The following MAF variants were observed in gnomAD, a reference collection of about 807,000 sequenced individuals.
MAF encodes the protein MAF bZIP transcription factor.
Under a neutral mutation model 22.0 loss-of-function variants are expected in MAF, and 10 were observed. That is an observed-to-expected ratio of 0.45 (90% CI 0.28 to 0.77). The LOEUF (loss-of-function observed/expected upper bound fraction) is 0.77, where lower values mean the gene tolerates loss of function less well. Among genes scored for constraint, MAF ranks in the 30% least tolerant of loss-of-function variants. The probability of loss-of-function intolerance (pLI) is 0.12; values close to 1 mark genes in which losing one functional copy is unlikely to be tolerated. For missense variants in MAF, 544 were observed against 548.4 expected, an observed-to-expected ratio of 0.99 and a Z score of 0.08; for synonymous variants, 337 against 255.8, an observed-to-expected ratio of 1.32 and a Z score of -3.03.
chr16:79,396,279 C>A, the MAF span, among the ~76,000 whole-genome samples: 2 of 152,148 alleles, frequency 1.3e-5, no homozygotes, highest in African/African-American at 2.4e-5. Flanking sequence ...TGGACCAAGC[C>A]TTGTGAGTCA....
rs920081311 is a variant in MAF at position 79,600,340 on chromosome 16, G to A, written c.-438C>T. On this transcript the variant is annotated 5_prime_UTR_variant, in exon 1 of 2. Coordinates refer to ENST00000326043, the MANE Select transcript of MAF (RefSeq NM_005360.5). ...TGCATAAGGAAGGGCTCGCCTCGCC[G>A]GCCCGGGCTGCAGGCAGGGCGCGCG... 5.0e-6 allele frequency: 1 copy of A among 199,642 alleles called. No individual in the cohort carries two copies. Among genetic ancestry groups the A allele is most frequent in the Non-Finnish European group, 1.1e-5 (1 of 88,444 alleles). 12.4% of individuals were successfully genotyped at this position (199,642 alleles called of 1,614,324 possible).
chr16:79,225,506 A>T, the MAF span, among the ~76,000 whole-genome samples: 2 of 152,240 alleles, frequency 1.3e-5, no homozygotes, highest in Non-Finnish European at 2.9e-5. Flanking sequence ...CAATGGCAAC[A>T]AAAGCCAAAA....
the MAF span, among the ~76,000 whole-genome samples, chr16:79,574,359 C>G: frequency 6.6e-6 from 1 of 152,208 alleles, no homozygotes; most frequent in African/African-American, 2.4e-5. Flanking sequence ...TTATTGGTAT[C>G]TGCAGAAGTC....
the MAF span, among the ~76,000 whole-genome samples, chr16:79,509,532 A>G: frequency 2.0e-5 from 3 of 152,004 alleles, no homozygotes; most frequent in Non-Finnish European, 1.5e-5. Flanking sequence ...TCTGAGACCA[A>G]CTCTGATGCA....
At chr16:79,216,213 C>A in the MAF span, among the ~76,000 whole-genome samples, 3 of 152,054 alleles carry the variant, frequency 2.0e-5, no homozygotes, top group African/African-American at 2.4e-5. Context: ...TATATGTATA[C>A]GTGTCATGTG....
At chr16:79,293,381 T>A in the MAF span, among the ~76,000 whole-genome samples, 1 of 152,218 alleles carries the variant, frequency 6.6e-6, no homozygotes, top group African/African-American at 2.4e-5. Context: ...GGAATTATTT[T>A]CTGGAAACAG....
chr16:79,598,058 A>T (rs916825150), intron 1 of MAF: 2 of 1,044,482 alleles, frequency 1.9e-6, no homozygotes, highest in Non-Finnish European at 2.3e-6. Flanking sequence ...CTAAAAAAAA[A>T]ACCCGATGGA....
chr16:79,477,910 G>C, the MAF span, among the ~76,000 whole-genome samples: 2 of 151,586 alleles, frequency 1.3e-5, no homozygotes, highest in Non-Finnish European at 2.9e-5. Flanking sequence ...TTTTAGTAGA[G>C]ACGGGGTTTC....
the MAF span, chr16:79,203,122 G>C: frequency 6.6e-6 from 1 of 152,206 alleles, no homozygotes; most frequent in Non-Finnish European, 1.5e-5. Context: ...CACGCTGCTG[G>C]TGAATGAAAT....
At chr16:79,257,209 G>A in the MAF span, among the ~76,000 whole-genome samples, 13 of 151,972 alleles carry the variant, frequency 8.6e-5, no homozygotes, top group Non-Finnish European at 1.5e-4. Context: ...AAAAAGAAGA[G>A]TGTATGTAAA....
At chr16:79,220,252 T>C in the MAF span, among the ~76,000 whole-genome samples, 73 of 9,538 alleles carry the variant, frequency 7.7e-3, 1 homozygote, top group Non-Finnish European at 0.018. Flanking sequence ...TGAGACTCCA[T>C]CTCAAAAAAA....
chr16:79,310,520 T>C, the MAF span, among the ~76,000 whole-genome samples: 1 of 152,200 alleles, frequency 6.6e-6, no homozygotes, highest in African/African-American at 2.4e-5. Context: ...TGCTTTCACA[T>C]CTGGAGTTCA....
At chr16:79,236,488 T>A in the MAF span, among the ~76,000 whole-genome samples, 1 of 152,134 alleles carries the variant, frequency 6.6e-6, no homozygotes, top group South Asian at 2.1e-4. Flanking sequence ...TAAGTGGCTG[T>A]GCTGTTTGGC....
At chr16:79,258,778 C>T in the MAF span, among the ~76,000 whole-genome samples, 1 of 152,206 alleles carries the variant, frequency 6.6e-6, no homozygotes, top group African/African-American at 2.4e-5. Flanking sequence ...TGCTCCAACC[C>T]TGTTGGCAAG....
the MAF span, among the ~76,000 whole-genome samples, chr16:79,534,714 TAC>T: frequency 2.0e-5 from 3 of 152,058 alleles, no homozygotes; most frequent in African/African-American, 7.3e-5. Context: ...TGTGCACATG[TAC>T]CCTAGAACTT....
the MAF span, among the ~76,000 whole-genome samples, chr16:79,364,440 G>C: frequency 1.3e-5 from 2 of 152,190 alleles, no homozygotes; most frequent in East Asian, 3.9e-4. Flanking sequence ...CAGCCAGGCT[G>C]GGTGGGTGGC....
At chr16:79,377,135 C>T in the MAF span, among the ~76,000 whole-genome samples, 1 of 152,170 alleles carries the variant, frequency 6.6e-6, no homozygotes, top group Non-Finnish European at 1.5e-5. Flanking sequence ...TTTACAGTCC[C>T]ACCAACGGTG....
chr16:79,429,919 C>G, the MAF span, among the ~76,000 whole-genome samples: 5 of 152,216 alleles, frequency 3.3e-5, no homozygotes, highest in South Asian at 1.0e-3. Flanking sequence ...AACAGCTTTC[C>G]GAGGGCTACC....
downstream of MAF, among the ~76,000 whole-genome samples, chr16:79,589,111 G>T (rs1209756248): frequency 6.6e-6 from 1 of 152,036 alleles, no homozygotes; most frequent in Admixed American, 6.6e-5. Context: ...TTTTTTTTAA[G>T]GTGTAACGAT....
Sources: gnomAD v4.1 joint callset for allele counts (sites outside exome capture counted in the v4.1 genomes callset) on GRCh38, gnomAD v4.1.1 for gene constraint, MANE v1.5 for transcripts, NCBI Gene and HGNC (gene_info 2026-07-23, HGNC 2026-07-21) for gene names.